Variants in FAM135A observed in about 807,000 individuals in gnomAD.
FAM135A encodes protein FAM135A.
A neutral mutation model predicts 146.8 loss-of-function variants in FAM135A; 79 were observed. That is an observed-to-expected ratio of 0.54 (90% CI 0.45 to 0.65). The LOEUF (loss-of-function observed/expected upper bound fraction) is 0.65. Ranked by LOEUF, FAM135A falls within the 30% of genes least tolerant of loss-of-function variation. The pLI is 0.00. For missense variants in FAM135A, 1,623 were observed against 1,758.2 expected, an observed-to-expected ratio of 0.92 and a Z score of 1.38; for synonymous variants, 562 against 603.6, an observed-to-expected ratio of 0.93 and a Z score of 1.01.
At chr6:70,501,006 C>G (rs1251063461) in intron 11 of FAM135A, among the ~76,000 whole-genome samples, 1 of 152,194 alleles carries the variant, frequency 6.6e-6, no homozygotes, top group Non-Finnish European at 1.5e-5. Flanking sequence ...AGAGCTGGTG[C>G]ACTGTGCTCA....
intron 20 of FAM135A, among the ~76,000 whole-genome samples, chr6:70,539,255 C>T (rs147950794): frequency 2.6e-5 from 4 of 152,096 alleles, no homozygotes; most frequent in African/African-American, 9.7e-5. Context: ...CCTCCTCGCC[C>T]CCATGTCTTC....
chr6:70,498,277 A>C (rs1176828395), intron 11 of FAM135A, among the ~76,000 whole-genome samples: 1 of 152,196 alleles, frequency 6.6e-6, no homozygotes, highest in Non-Finnish European at 1.5e-5. Flanking sequence ...TGTTGATAGT[A>C]TTCTCTGATG....
intron 20 of FAM135A, among the ~76,000 whole-genome samples, chr6:70,549,553 G>A (rs1284041061): frequency 1.3e-5 from 2 of 151,800 alleles, no homozygotes; most frequent in Non-Finnish European, 2.9e-5. Flanking sequence ...GTTTCCCAGG[G>A]CATATAAAAG....
At chr6:70,444,599 T>C (rs1422233609) in intron 4 of FAM135A, among the ~76,000 whole-genome samples, 4 of 152,048 alleles carry the variant, frequency 2.6e-5, no homozygotes, top group African/African-American at 9.7e-5. Flanking sequence ...AATTTATTTA[T>C]CTAAAAAATT....
chr6:70,523,747 TAGC>T (rs1214058405), intron 13 of FAM135A, among the ~76,000 whole-genome samples: 2 of 152,158 alleles, frequency 1.3e-5, no homozygotes, highest in African/African-American at 2.4e-5. Flanking sequence ...CATAAATAAT[TAGC>T]AGTCTGTAAT....
At chr6:70,549,619 A>C (rs1290223496) in intron 20 of FAM135A, among the ~76,000 whole-genome samples, 1 of 152,170 alleles carries the variant, frequency 6.6e-6, no homozygotes, top group Non-Finnish European at 1.5e-5. Context: ...ATCTAAAAAA[A>C]AGTATGCATA....
chr6:70,457,331 C>T (rs1582255579), intron 5 of FAM135A, among the ~76,000 whole-genome samples: 1 of 152,168 alleles, frequency 6.6e-6, no homozygotes, highest in African/African-American at 2.4e-5. Context: ...GGTGGTGCTA[C>T]AGACTCAGTC....
rs1392753345 is a variant in FAM135A at position 70,452,573 on chromosome 6, T to G, written c.157+2T>G. On this transcript the variant is annotated splice_donor_variant, in intron 5 of 21. Coordinates refer to ENST00000418814, the MANE Select transcript of FAM135A (RefSeq NM_001162529.3). LOFTEE classifies it high-confidence loss of function. ...AAGCTAGTTTGTTGCATGCAACAGG[T>G]AAGCCAAAGAATACATTCAAATTTA... The G allele has an allele frequency of 6.4e-7, 1 of 1,564,636 alleles. No individual in the cohort carries two copies. The highest frequency in any genetic ancestry group is 8.6e-7 in the Non-Finnish European group (1 of 1,163,254).
chr6:70,431,591 G>A (rs1771646202), intron 4 of FAM135A, among the ~76,000 whole-genome samples: 2 of 152,064 alleles, frequency 1.3e-5, no homozygotes, highest in Admixed American at 1.3e-4. Flanking sequence ...ACATTTAAAA[G>A]GTGGGCAACT....
intron 5 of FAM135A, among the ~76,000 whole-genome samples, chr6:70,467,929 A>G (rs1232512590): frequency 6.6e-6 from 1 of 152,084 alleles, no homozygotes; most frequent in Non-Finnish European, 1.5e-5. Flanking sequence ...AAACATGTTA[A>G]AAGTGTCCTT....
intron 20 of FAM135A, among the ~76,000 whole-genome samples, chr6:70,546,052 T>G (rs868549711): frequency 1.9e-4 from 29 of 150,864 alleles, no homozygotes; most frequent in Middle Eastern, 3.2e-3. Context: ...GGTTTTGGGG[T>G]TTTTTTTTCG....
intron 17 of FAM135A, 107 bp downstream of exon 17, chr6:70,533,358 A>T: frequency 1.4e-6 from 1 of 707,468 alleles, no homozygotes. Flanking sequence ...AATTTTTCTG[A>T]TTTCTATGAA....
chr6:70,533,546 A>G (rs1796223259), intron 17 of FAM135A, among the ~76,000 whole-genome samples: 1 of 152,214 alleles, frequency 6.6e-6, no homozygotes, highest in Non-Finnish European at 1.5e-5. Context: ...AAATAATGCA[A>G]GTATTTTAAG....
At chr6:70,510,035 T>C (rs1434577196) in intron 12 of FAM135A, among the ~76,000 whole-genome samples, 2 of 151,930 alleles carry the variant, frequency 1.3e-5, no homozygotes, top group African/African-American at 4.8e-5. Flanking sequence ...TAGTTTTGGA[T>C]TTTTTTTCCA....
At chr6:70,447,688 G>T (rs1776088636) in intron 4 of FAM135A, among the ~76,000 whole-genome samples, 1 of 152,228 alleles carries the variant, frequency 6.6e-6, no homozygotes, top group African/African-American at 2.4e-5. Flanking sequence ...CCGAAATCGG[G>T]TTCCCATCGT....
At chr6:70,461,463 G>A (rs1779428308) in intron 5 of FAM135A, among the ~76,000 whole-genome samples, 1 of 151,932 alleles carries the variant, frequency 6.6e-6, no homozygotes, top group South Asian at 2.1e-4. Flanking sequence ...ACCATTTTAT[G>A]TAAAGAACTG....
intron 20 of FAM135A, among the ~76,000 whole-genome samples, chr6:70,538,830 A>ATTATATTATATTATG (rs1554166970): frequency 6.8e-5 from 10 of 146,050 alleles, no homozygotes; most frequent in African/African-American, 2.5e-4. Flanking sequence ...ATTATATTAT[A>ATTATATTATATTATG]TTATATTATA....
At chr6:70,459,671 TATTC>T (rs1165372718) in intron 5 of FAM135A, among the ~76,000 whole-genome samples, 2 of 152,240 alleles carry the variant, frequency 1.3e-5, no homozygotes, top group African/African-American at 2.4e-5. Context: ...TGCTTTTTAA[TATTC>T]ATCCATCTTT....
intron 12 of FAM135A, among the ~76,000 whole-genome samples, chr6:70,508,462 T>C (rs1005089815): frequency 6.6e-6 from 1 of 152,214 alleles, no homozygotes; most frequent in Non-Finnish European, 1.5e-5. Flanking sequence ...TGCTTCCTAT[T>C]ATAACATCAG....
Sources: gnomAD v4.1 joint callset for allele counts (sites outside exome capture counted in the v4.1 genomes callset) on GRCh38, gnomAD v4.1.1 for gene constraint, MANE v1.5 for transcripts, NCBI Gene and HGNC (gene_info 2026-07-23, HGNC 2026-07-21) for gene names.